Variants in DLGAP2 observed in about 807,000 individuals in gnomAD.
DLGAP2 encodes DLG associated protein 2, also known as disks large-associated protein 2.
A neutral mutation model predicts 100.3 loss-of-function variants in DLGAP2; 26 were observed. The ratio of observed to expected loss-of-function variants is 0.26; its 90% CI spans 0.19 to 0.36. DLGAP2 has a LOEUF of 0.36. Ranked by LOEUF, DLGAP2 falls within the 10% of genes least tolerant of loss-of-function variation. The pLI, the probability that DLGAP2 is intolerant of heterozygous loss-of-function variation, is 1.00. For missense variants in DLGAP2, 1,858 were observed against 1,453.2 expected (o/e 1.28, Z -4.53); for synonymous variants, 886 against 630.1 (o/e 1.41, Z -6.08).
chr8:1,476,976 G>GTA (rs1563172021), intron 3 of DLGAP2, among the ~76,000 whole-genome samples: 1 of 152,050 alleles, frequency 6.6e-6, no homozygotes, highest in African/African-American at 2.4e-5. Flanking sequence ...ATTGTGATCT[G>GTA]TATGCTTTGT....
chr8:1,040,072 TTCC>T (rs1802282259), intron 2 of DLGAP2, among the ~76,000 whole-genome samples: 1 of 87,232 alleles, frequency 1.1e-5, no homozygotes, highest in African/African-American at 4.4e-5. Flanking sequence ...TCAGCTCGGT[TTCC>T]GTGGTCAGCT....
At chr8:744,964 G>C (rs1585815681) in intron 1 of DLGAP2, among the ~76,000 whole-genome samples, 1 of 152,228 alleles carries the variant, frequency 6.6e-6, no homozygotes. Flanking sequence ...GTGCAGCAGA[G>C]ATGGCGGGAA....
chr8:841,010 C>A (rs543314506), intron 1 of DLGAP2, among the ~76,000 whole-genome samples: 1 of 152,176 alleles, frequency 6.6e-6, no homozygotes, highest in South Asian at 2.1e-4. Context: ...TGATGAGAGC[C>A]TAGGCCCATT....
At chr8:1,353,121 A>G (rs75083910) in intron 3 of DLGAP2, among the ~76,000 whole-genome samples, 1,713 of 152,318 alleles carry the variant, frequency 0.011, 41 homozygotes, top group African/African-American at 0.039. Flanking sequence ...AGGAGTTTGC[A>G]AATCCCTAAG....
intron 2 of DLGAP2, among the ~76,000 whole-genome samples, chr8:1,057,626 G>T (rs1209289099): frequency 6.6e-6 from 1 of 152,174 alleles, no homozygotes; most frequent in African/African-American, 2.4e-5. Context: ...AGTCTTTCTG[G>T]AGAATGTAAG....
chr8:1,616,629 A>C (rs1355262521), intron 6 of DLGAP2, among the ~76,000 whole-genome samples: 2 of 152,248 alleles, frequency 1.3e-5, no homozygotes, highest in Non-Finnish European at 2.9e-5. Context: ...TCAGAATACT[A>C]TACCCAGCAA....
chr8:858,404 G>C (rs1225143078), intron 1 of DLGAP2, among the ~76,000 whole-genome samples: 2 of 152,278 alleles, frequency 1.3e-5, no homozygotes, highest in African/African-American at 4.8e-5. Context: ...GAAAGGTTCA[G>C]TGGCTGCCAT....
chr8:981,002 A>G (rs533992378), intron 2 of DLGAP2, among the ~76,000 whole-genome samples: 15 of 152,274 alleles, frequency 9.9e-5, no homozygotes, highest in African/African-American at 3.6e-4. Flanking sequence ...ATGTTATGTG[A>G]CCAACATTAC....
rs374553531 is a variant in DLGAP2 at position 1,075,503 on chromosome 8, T to G, written c.73+167537T>G. ...TTCCCTCTACTGTCCTCTTCTGTGA[T>G]GGCATTTTCATCCCCTGCAGGGGAG... On this transcript the variant is annotated intron_variant, in intron 2 of 14. Coordinates refer to ENST00000637795, the MANE Select transcript of DLGAP2 (RefSeq NM_001346810.2). Among the ~76,000 whole-genome samples the G allele has an allele frequency of 6.6e-5, 10 of 152,304 alleles. No individual in the cohort carries two copies. The East Asian group carries it at 1.5e-3, about 24-fold the overall frequency.
chr8:935,321 G>A (rs1424300509), intron 2 of DLGAP2, among the ~76,000 whole-genome samples: 1 of 152,228 alleles, frequency 6.6e-6, no homozygotes, highest in Non-Finnish European at 1.5e-5. Context: ...ACCACATGCG[G>A]TCGTGAGCCC....
At chr8:799,603 T>C (rs1457179132) in intron 1 of DLGAP2, among the ~76,000 whole-genome samples, 1 of 152,198 alleles carries the variant, frequency 6.6e-6, no homozygotes, top group East Asian at 1.9e-4. Flanking sequence ...TGATATGAAC[T>C]GTGAACTCAC....
rs1554558685 is a variant in DLGAP2 at position 768,441 on chromosome 8, T to TTC, written c.18+30616_18+30617insTC. 5.2e-4 allele frequency among the ~76,000 whole-genome samples: 75 copies of TTC among 143,514 alleles called. 2 individuals carry two copies. The East Asian group carries it at 6.1e-3, about 12-fold the overall frequency. 94.2% of individuals were successfully genotyped at this position (143,514 alleles called of 152,430 possible). A position where few individuals can be genotyped will look rare whatever the true frequency, so the allele number is the denominator to read the frequency against. On this transcript the variant is annotated intron_variant, in intron 1 of 14. Coordinates refer to ENST00000637795, the MANE Select transcript of DLGAP2 (RefSeq NM_001346810.2). ...TGATTTTTTTTTTTTTTTTTTTTTT[T>TTC]CTGACATGAATCTTGCTCTGTCTCC...
chr8:906,957 G>C (rs1021649731), intron 1 of DLGAP2, among the ~76,000 whole-genome samples: 1 of 152,150 alleles, frequency 6.6e-6, no homozygotes, highest in Non-Finnish European at 1.5e-5. Context: ...AAGAATTGGC[G>C]GGGAGAGGGG....
intron 2 of DLGAP2, among the ~76,000 whole-genome samples, chr8:1,203,548 A>T (rs1485042871): frequency 3.3e-5 from 5 of 152,212 alleles, no homozygotes; most frequent in Non-Finnish European, 2.9e-5. Context: ...CAGATGCTAA[A>T]GGTTCTCTTT....
chr8:1,159,098 C>T (rs550803349), intron 2 of DLGAP2, among the ~76,000 whole-genome samples: 94 of 152,306 alleles, frequency 6.2e-4, no homozygotes, highest in African/African-American at 2.1e-3. Flanking sequence ...GAGGGAAGAA[C>T]GTAGACCTGG....
intron 2 of DLGAP2, among the ~76,000 whole-genome samples, chr8:1,142,733 G>A (rs1288735031): frequency 1.3e-5 from 2 of 152,094 alleles, no homozygotes; most frequent in Non-Finnish European, 2.9e-5. Flanking sequence ...TGCATTATTG[G>A]AGTCAGGACA....
At chr8:1,674,789 C>T (rs1798771203) in intron 10 of DLGAP2, among the ~76,000 whole-genome samples, 1 of 152,176 alleles carries the variant, frequency 6.6e-6, no homozygotes, top group Non-Finnish European at 1.5e-5. Context: ...CCAAATTTCC[C>T]CTGCACTGAA....
intron 3 of DLGAP2, among the ~76,000 whole-genome samples, chr8:1,440,733 C>G (rs910545155): frequency 1.3e-5 from 2 of 152,120 alleles, no homozygotes; most frequent in African/African-American, 4.8e-5. Context: ...AGAAGCAACC[C>G]CGACATTGGT....
At chr8:1,639,378 C>A (rs534262291) in intron 8 of DLGAP2, among the ~76,000 whole-genome samples, 3 of 152,282 alleles carry the variant, frequency 2.0e-5, no homozygotes, top group Admixed American at 1.3e-4. Context: ...GTCCCTGGGT[C>A]TTGGCAGTGT....
Sources: gnomAD v4.1 joint callset for allele counts (sites outside exome capture counted in the v4.1 genomes callset) on GRCh38, gnomAD v4.1.1 for gene constraint, MANE v1.5 for transcripts, NCBI Gene and HGNC (gene_info 2026-07-23, HGNC 2026-07-21) for gene names.